MBD5: variants seen among roughly 807,000 people sequenced by gnomAD.
MBD5 encodes methyl-CpG binding domain protein 5.
Under a neutral mutation model 117.3 loss-of-function variants are expected in MBD5, and 13 were observed. The ratio of observed to expected loss-of-function variants is 0.11; its 90% CI spans 0.07 to 0.18. The LOEUF is 0.18. Among genes scored for constraint, MBD5 ranks in the 10% least tolerant of loss-of-function variants. MBD5 has a pLI of 1.00. For missense variants in MBD5, 1,879 were observed against 2,093.8 expected, an observed-to-expected ratio of 0.90 and a Z score of 2.00; for synonymous variants, 727 against 766.4, an observed-to-expected ratio of 0.95 and a Z score of 0.85.
chr2:148,097,984 A>T (rs542258296), intron 1 of MBD5, among the ~76,000 whole-genome samples: 150 of 152,300 alleles, frequency 9.8e-4, no homozygotes, highest in South Asian at 7.9e-3. Context: ...GTCCTGAAGG[A>T]CTTTATAAAC....
intron 4 of MBD5, among the ~76,000 whole-genome samples, chr2:148,377,417 T>G (rs1283528488): frequency 6.6e-6 from 1 of 152,142 alleles, no homozygotes; most frequent in African/African-American, 2.4e-5. Context: ...AATGAATACT[T>G]TGCATCCTTC....
At chr2:148,389,170 C>T (rs1468413854) in intron 4 of MBD5, among the ~76,000 whole-genome samples, 1 of 136,118 alleles carries the variant, frequency 7.3e-6, no homozygotes, top group East Asian at 2.2e-4. Flanking sequence ...CTTTTTATGG[C>T]TCCATAGTAT....
chr2:148,025,789 G>A lies in MBD5; in HGVS notation c.-925+4105G>A, dbSNP rs567941747. 27 of 152,170 alleles carry A rather than the reference G, an allele frequency of 1.8e-4. 1 individual carries two copies. The highest frequency in any genetic ancestry group is 6.0e-4 in the African/African-American group (25 of 41,534). The allele number at this position is 152,170 out of a possible 1,614,324, so 9.4% of individuals were successfully genotyped here. A position where few individuals can be genotyped will look rare whatever the true frequency, so the allele number is the denominator to read the frequency against. On this transcript the variant is annotated intron_variant, in intron 1 of 13. Coordinates refer to ENST00000642680, the MANE Select transcript of MBD5 (RefSeq NM_001378120.1). Reference sequence around the variant, plus strand: ...GTTTTGGAATTTTTAGTATGTAGTAGAAATATCATTGCAAAATCCTCATAA... The same window carrying A: ...GTTTTGGAATTTTTAGTATGTAGTAAAAATATCATTGCAAAATCCTCATAA...
At chr2:148,038,089 AT>A (rs201272288) in intron 1 of MBD5, among the ~76,000 whole-genome samples, 2,525 of 152,040 alleles carry the variant, frequency 0.017, 74 homozygotes, top group African/African-American at 0.058. Context: ...AACAACTGGT[AT>A]ATCTGGTACC....
intron 7 of MBD5, among the ~76,000 whole-genome samples, chr2:148,466,694 A>G (rs1030856751): frequency 1.3e-5 from 2 of 152,212 alleles, no homozygotes; most frequent in South Asian, 4.1e-4. Context: ...AGTTGAGTTT[A>G]TCTACTGCAA....
At chr2:148,472,570 G>A (rs993301601) in intron 8 of MBD5, 24 of 152,210 alleles carry the variant, frequency 1.6e-4, no homozygotes, top group African/African-American at 5.5e-4. Flanking sequence ...TTGCCATGTA[G>A]TGAACTGTGT....
chr2:148,065,554 A>T (rs183087961), intron 1 of MBD5, among the ~76,000 whole-genome samples: 2 of 152,216 alleles, frequency 1.3e-5, no homozygotes, highest in African/African-American at 4.8e-5. Flanking sequence ...TCAACAAAAT[A>T]TGTCAAAAAA....
intron 1 of MBD5, among the ~76,000 whole-genome samples, chr2:148,144,658 C>T (rs1697405067): frequency 6.6e-6 from 1 of 152,194 alleles, no homozygotes; most frequent in African/African-American, 2.4e-5. Flanking sequence ...TTTCAGCTTT[C>T]TACATATGGC....
At chr2:148,144,133 G>T (rs1158686970) in intron 1 of MBD5, among the ~76,000 whole-genome samples, 1 of 151,852 alleles carries the variant, frequency 6.6e-6, no homozygotes, top group South Asian at 2.1e-4. Context: ...TTTAATGATC[G>T]CCATTCTAAC....
intron 1 of MBD5, among the ~76,000 whole-genome samples, chr2:148,127,851 C>T (rs1003728139): frequency 2.0e-4 from 31 of 152,332 alleles, no homozygotes; most frequent in African/African-American, 6.7e-4. Flanking sequence ...CTCCCACCAA[C>T]AGTGTAAAAG....
At chr2:148,510,014 G>T (rs1194557713) in intron 12 of MBD5, 46 bp from the exon 13 acceptor site, 1 of 1,412,932 alleles carries the variant, frequency 7.1e-7, no homozygotes, top group African/African-American at 1.4e-5. Context: ...ATTGAGTTTT[G>T]TTTCTTTAAT....
intron 1 of MBD5, among the ~76,000 whole-genome samples, chr2:148,023,054 ACT>A (rs962390615): frequency 1.4e-5 from 2 of 146,860 alleles, no homozygotes; most frequent in African/African-American, 5.0e-5. Flanking sequence ...ATATACACAC[ACT>A]CTCTTTCGCT....
chr2:148,114,281 C>T (rs1696569487), intron 1 of MBD5, among the ~76,000 whole-genome samples: 1 of 151,976 alleles, frequency 6.6e-6, no homozygotes, highest in African/African-American at 2.4e-5. Flanking sequence ...ACCAGCCTGG[C>T]CAACGTGGTG....
intron 1 of MBD5, among the ~76,000 whole-genome samples, chr2:148,129,785 A>G (rs1696992622): frequency 6.6e-6 from 1 of 152,228 alleles, no homozygotes; most frequent in Non-Finnish European, 1.5e-5. Context: ...AGTTCACTGA[A>G]TAAGTGAATA....
rs116532686 is a variant in MBD5, at chr2:148,117,652, T to C, written c.-924-61048T>C. On this transcript the variant is annotated intron_variant, in intron 1 of 13. Transcript: ENST00000642680. ...TACCTGGATGGAGAAAAAATTTGCC[T>C]GTGTATATAAGAGAACAAGACAGCT... Among the ~76,000 whole-genome samples, 388 of 152,270 alleles carry C rather than the reference T, an allele frequency of 2.5e-3. 2 individuals carry two copies. The highest frequency in any genetic ancestry group is 7.9e-3 in the African/African-American group (328 of 41,550).
At chr2:148,240,671 A>G (rs576941121) in intron 3 of MBD5, among the ~76,000 whole-genome samples, 4 of 152,184 alleles carry the variant, frequency 2.6e-5, no homozygotes, top group Non-Finnish European at 4.4e-5. Context: ...TGTCCCATAT[A>G]GTATTCAGGC....
chr2:148,156,234 T>C (rs537902868), intron 1 of MBD5, among the ~76,000 whole-genome samples: 8 of 152,384 alleles, frequency 5.2e-5, no homozygotes, highest in East Asian at 1.9e-4. Flanking sequence ...CTGCTGACTT[T>C]AGATTAAATT....
chr2:148,162,285 A>C (rs1212913109), intron 1 of MBD5, among the ~76,000 whole-genome samples: 2 of 152,098 alleles, frequency 1.3e-5, no homozygotes, highest in Non-Finnish European at 2.9e-5. Context: ...TTCTGTTATC[A>C]TGTTCCCCAC....
intron 3 of MBD5, chr2:148,243,850 T>C (rs1033602765): frequency 1.4e-4 from 21 of 151,988 alleles, no homozygotes; most frequent in African/African-American, 4.6e-4. Flanking sequence ...ATATCACACA[T>C]AGATAAGTAT....
Sources: gnomAD v4.1 joint callset for allele counts (sites outside exome capture counted in the v4.1 genomes callset) on GRCh38, gnomAD v4.1.1 for gene constraint, MANE v1.5 for transcripts, NCBI Gene and HGNC (gene_info 2026-07-23, HGNC 2026-07-21) for gene names.